FAM20C: variants seen among roughly 807,000 people sequenced by gnomAD.
FAM20C encodes the protein FAM20C golgi associated secretory pathway kinase.
In FAM20C, 40 loss-of-function variants were observed where a neutral mutation model predicts 51.5. The ratio of observed to expected loss-of-function variants is 0.78; its 90% CI spans 0.60 to 1.01. FAM20C has a LOEUF of 1.01. Among genes scored for constraint, FAM20C ranks in the 50% least tolerant of loss-of-function variants. FAM20C has a pLI of 0.00. For synonymous variants in FAM20C, 406 were observed against 380.6 expected, an observed-to-expected ratio of 1.07 and a Z score of -0.78; for missense variants, 861 against 844.7, an observed-to-expected ratio of 1.02 and a Z score of -0.24.
intron 5 of FAM20C, 37 bp from the exon 6 acceptor site, chr7:255,812 G>T: frequency 1.3e-6 from 2 of 1,535,588 alleles, no homozygotes. Context: ...ACGCAGCCCT[G>T]TGCGGCCCTG....
intron 3 of FAM20C, among the ~76,000 whole-genome samples, chr7:214,654 C>T (rs1290005466): frequency 6.6e-6 from 1 of 152,140 alleles, no homozygotes; most frequent in South Asian, 2.1e-4. Flanking sequence ...ACCCATCTGT[C>T]AACAAGGGCG....
chr7:193,785 G>T lies in FAM20C; in HGVS notation c.586G>T (p.Ala196Ser). ...CAGCGACACCAGGCTCAGCCCCAAA[G>T]CGGCGGAGAACCCGGACTGGTGAGT... ...VNSDTRLSPK[A>S]AENPDWPHAG... is the part of the protein sequence containing the mutation. Residue 196 changes from alanine to serine, a missense_variant, in exon 1 of 10, where the codon GCG becomes TCG. Ala to Ser is a moderately conservative substitution (Grantham distance 99). Around this residue, in one of 3 missense-constraint regions of FAM20C, gnomAD observed 561 missense variants for 499.8 expected, o/e 1.12. Coordinates refer to ENST00000313766, the MANE Select transcript of FAM20C (RefSeq NM_020223.4). 6.4e-7 allele frequency: 1 copy of T among 1,554,554 alleles called. No homozygotes were observed. Among genetic ancestry groups the T allele is most frequent in the East Asian group, 2.4e-5 (1 of 41,246 alleles).
chr7:211,193 G>A (rs1261198179), intron 3 of FAM20C, among the ~76,000 whole-genome samples: 1 of 105,704 alleles, frequency 9.5e-6, no homozygotes, highest in Non-Finnish European at 2.0e-5. Context: ...ACCTCCCTCA[G>A]CCTCCTCCAA....
Position 220,407 on chromosome 7 carries a change from C to T in FAM20C, c.863+11431C>T, listed in dbSNP as rs114850929. On this transcript the variant is annotated intron_variant, in intron 3 of 9. Coordinates refer to ENST00000313766, the MANE Select transcript of FAM20C (RefSeq NM_020223.4). Reference sequence around the variant, plus strand: ...CCACCTCAAGTGGAGCTTAAATTCCCGGGGGGCGTGGTCAACGCACGTGAA... The same window carrying T: ...CCACCTCAAGTGGAGCTTAAATTCCTGGGGGGCGTGGTCAACGCACGTGAA... Among the ~76,000 whole-genome samples the T allele has an allele frequency of 9.8e-3, 1,139 of 116,608 alleles. 19 individuals carry two copies. Among genetic ancestry groups the T allele is most frequent in the African/African-American group, 0.035 (1,075 of 30,426 alleles). 76.5% of individuals were successfully genotyped at this position (116,608 alleles called of 152,430 possible). A position where few individuals can be genotyped will look rare whatever the true frequency, so the allele number is the denominator to read the frequency against.
intron 2 of FAM20C, among the ~76,000 whole-genome samples, chr7:203,693 G>GT (rs771481118): frequency 6.6e-6 from 1 of 152,214 alleles, no homozygotes; most frequent in Non-Finnish European, 1.5e-5. Flanking sequence ...ATTTCTAATT[G>GT]TTTATTTGCT....
intron 5 of FAM20C, among the ~76,000 whole-genome samples, chr7:249,394 C>T (rs1341506735): frequency 1.3e-5 from 2 of 152,220 alleles, no homozygotes; most frequent in Admixed American, 6.5e-5. Flanking sequence ...ATAAGTACAG[C>T]GCACACATAA....
Position 258,108 on chromosome 7 carries a change from G to A in FAM20C, c.1446-538G>A, listed in dbSNP as rs376003714. Among the ~76,000 whole-genome samples, 813 of 146,752 alleles carry A rather than the reference G, an allele frequency of 5.5e-3. 14 individuals are homozygous for A. Among genetic ancestry groups the A allele is most frequent in the Middle Eastern group, 0.01 (3 of 286 alleles). ...ATGGGGCTGGGTGGACCCACTGCCCGGGGTGTTGGAGATAGGCGGGGTGGA... is the reference window on the plus strand; with the variant it reads ...ATGGGGCTGGGTGGACCCACTGCCCAGGGTGTTGGAGATAGGCGGGGTGGA... On this transcript the variant is annotated intron_variant, in intron 8 of 9. Coordinates refer to ENST00000313766, the MANE Select transcript of FAM20C (RefSeq NM_020223.4).
At chr7:257,762 G>C (rs1025743781) in intron 8 of FAM20C, among the ~76,000 whole-genome samples, 2 of 140,154 alleles carry the variant, frequency 1.4e-5, no homozygotes, top group Non-Finnish European at 1.6e-5. Context: ...CTGGAGATGG[G>C]CAGGGTGGAC....
intron 5 of FAM20C, among the ~76,000 whole-genome samples, chr7:254,200 T>G (rs1788508124): frequency 6.6e-6 from 1 of 152,132 alleles, no homozygotes; most frequent in Non-Finnish European, 1.5e-5. Context: ...CCTCAGCTTG[T>G]TCAGCTAAGA....
chr7:258,519 G>C lies in FAM20C; in HGVS notation c.1446-127G>C, dbSNP rs572813800. The C allele has an allele frequency of 7.2e-3, 6,322 of 882,908 alleles. 78 individuals carry two copies. Among genetic ancestry groups the C allele is most frequent in the Admixed American group, 0.01 (498 of 48,670 alleles). 54.7% of individuals were successfully genotyped at this position (882,908 alleles called of 1,614,324 possible). A position where few individuals can be genotyped will look rare whatever the true frequency, so the allele number is the denominator to read the frequency against. ...CCCACTGCCCGGGGTGCTGGAGATG[G>C]GCTGGGTGGACCCACTGCCTGGGGT... On this transcript the variant is annotated intron_variant, in intron 8 of 9. Coordinates refer to ENST00000313766, the MANE Select transcript of FAM20C (RefSeq NM_020223.4).
chr7:236,213 AGGTGAGAGGCCGAGCG>A (rs1787844120), intron 3 of FAM20C, among the ~76,000 whole-genome samples: 1 of 98,846 alleles, frequency 1.0e-5, no homozygotes, highest in African/African-American at 8.0e-5. Context: ...CTCCTGGCCG[AGGTGAGAGGCCGAGCG>A]GCTCCTGGCC....
rs145069771 is a variant in FAM20C, at chr7:244,829, T to C, written c.864-1586T>C. ...ATGTGGGATCGTGGAAAGTGGTCTG[T>C]TCTCAGAGTTTCTAGCAGCAGAGAC... is the stretch of plus-strand genomic sequence containing the variant. On this transcript the variant is annotated intron_variant, in intron 3 of 9. Transcript: ENST00000313766. 1.4e-3 allele frequency among the ~76,000 whole-genome samples: 206 copies of C among 152,314 alleles called. 2 individuals are homozygous for C. The highest frequency in any genetic ancestry group is 4.6e-3 in the African/African-American group (192 of 41,570).
intron 5 of FAM20C, among the ~76,000 whole-genome samples, chr7:249,905 G>A (rs146456394): frequency 0.26 from 38,816 of 151,912 alleles, 5,134 homozygotes; most frequent in Middle Eastern, 0.35. Context: ...TCCCGGACTC[G>A]GTCCCCTATG....
In FAM20C at chr7:257,028, G is replaced by A. The variant is rs1207471045; in HGVS notation, c.1387G>A (p.Glu463Lys). Residue 463 changes from glutamate (E) to lysine (K), a missense_variant, in exon 8 of 10, where the codon GAG becomes AAG. This residue lies in a region of FAM20C where 269 missense variants were observed against 283.8 expected (regional missense o/e 0.95). Coordinates refer to ENST00000313766, the MANE Select transcript of FAM20C (RefSeq NM_020223.4). Reference protein sequence around the residue: ...LMGNMDRHHYETFEKFGNETF... With the variant: ...LMGNMDRHHYKTFEKFGNETF... ...AGGAAACATGGACCGTCACCACTAC[G>A]AGACTTTTGAGAAGTTTGGGAATGA... 4 of 1,537,142 alleles carry A rather than the reference G, an allele frequency of 2.6e-6. No homozygotes were observed. The highest frequency in any genetic ancestry group is 3.5e-6 in the Non-Finnish European group (4 of 1,146,892).
intron 5 of FAM20C, among the ~76,000 whole-genome samples, chr7:250,436 G>C (rs1279542490): frequency 1.3e-5 from 2 of 152,198 alleles, no homozygotes; most frequent in African/African-American, 4.8e-5. Flanking sequence ...AATCGGGGCA[G>C]AGGCAGAACC....
intron 6 of FAM20C, chr7:256,433 G>A (rs1193808393): frequency 1.7e-6 from 1 of 588,952 alleles, no homozygotes; most frequent in Non-Finnish European, 3.0e-6. Flanking sequence ...GCCCAGAGGT[G>A]AAGGCAGCTC....
At chr7:250,224 A>G (rs957231261) in intron 5 of FAM20C, among the ~76,000 whole-genome samples, 1 of 152,134 alleles carries the variant, frequency 6.6e-6, no homozygotes, top group Non-Finnish European at 1.5e-5. Context: ...CTCTTAATGC[A>G]TTCATGAATT....
rs1338934122 is a variant in FAM20C, at chr7:230,371, G to C, written c.864-16044G>C. 2.5e-4 allele frequency among the ~76,000 whole-genome samples: 24 copies of C among 96,120 alleles called. 4 individuals carry two copies. The highest frequency in any genetic ancestry group is 7.7e-4 in the African/African-American group (22 of 28,470). The allele number at this position is 96,120 out of a possible 152,430, so 63.1% of individuals were successfully genotyped here. On this transcript the variant is annotated intron_variant, in intron 3 of 9. Coordinates refer to ENST00000313766, the MANE Select transcript of FAM20C (RefSeq NM_020223.4). ...TTGCATTTCTTGTCCCCAGGACGGGGTGGGGGGGGGGGGGAACAGATCCCC... is the reference window on the plus strand; with the variant it reads ...TTGCATTTCTTGTCCCCAGGACGGGCTGGGGGGGGGGGGGAACAGATCCCC...
At chr7:209,524 G>A (rs1457420656) in intron 3 of FAM20C, among the ~76,000 whole-genome samples, 1 of 151,814 alleles carries the variant, frequency 6.6e-6, no homozygotes, top group Non-Finnish European at 1.5e-5. Context: ...CCAGTGGACA[G>A]TGTGCCCTGA....
Sources: allele counts gnomAD v4.1 joint callset (sites outside exome capture counted in the v4.1 genomes callset), GRCh38; gene constraint gnomAD v4.1.1; regional missense constraint gnomAD v4.1.1; transcripts MANE v1.5; gene names NCBI Gene and HGNC (gene_info 2026-07-23, HGNC 2026-07-21).